The following IL1RAPL2 variants were observed in gnomAD, a reference collection of about 807,000 sequenced individuals.
The protein encoded by IL1RAPL2 is X-linked interleukin-1 receptor accessory protein-like 2.
A neutral mutation model predicts 44.1 loss-of-function variants in IL1RAPL2; 3 were observed. That is an observed-to-expected ratio of 0.07 (90% CI 0.03 to 0.18). The LOEUF is 0.18. Among genes scored for constraint, IL1RAPL2 ranks in the 10% least tolerant of loss-of-function variants. The pLI, the probability that IL1RAPL2 is intolerant of heterozygous loss-of-function variation, is 1.00. For missense variants in IL1RAPL2, 391 were observed against 496.4 expected, an observed-to-expected ratio of 0.79 and a Z score of 2.02; for synonymous variants, 181 against 178.8, an observed-to-expected ratio of 1.01 and a Z score of -0.10.
chrX:105,663,676 A>G (rs1358116786), intron 6 of IL1RAPL2, among the ~76,000 whole-genome samples: 1 of 111,817 alleles, frequency 8.9e-6, no homozygotes, highest in Non-Finnish European at 1.9e-5. Context: ...AGCTTTGGAT[A>G]ATACCATGAG....
At chrX:105,490,961 C>T (rs2036312897) in intron 6 of IL1RAPL2, among the ~76,000 whole-genome samples, 1 of 111,947 alleles carries the variant, frequency 8.9e-6, no homozygotes, top group Non-Finnish European at 1.9e-5. Flanking sequence ...GTAGCTTCAA[C>T]CCAATTACTA....
intron 5 of IL1RAPL2, among the ~76,000 whole-genome samples, chrX:105,430,618 T>C (rs1277448313): frequency 9.0e-6 from 1 of 111,554 alleles, no homozygotes; most frequent in Non-Finnish European, 1.9e-5. Context: ...TGTTATACCC[T>C]GAGATCATTC....
At chrX:104,994,137 C>A (rs2030709908) in intron 2 of IL1RAPL2, among the ~76,000 whole-genome samples, 1 of 111,695 alleles carries the variant, frequency 9.0e-6, no homozygotes, top group Non-Finnish European at 1.9e-5. Context: ...TGGAAACAAT[C>A]CAGATTTCTA....
chrX:104,657,136 C>T (rs1157466449), intron 1 of IL1RAPL2, among the ~76,000 whole-genome samples: 1 of 111,159 alleles, frequency 9.0e-6, no homozygotes, highest in Non-Finnish European at 1.9e-5. Flanking sequence ...ATCCAATTTG[C>T]CAGTTGGTGT....
intron 3 of IL1RAPL2, among the ~76,000 whole-genome samples, chrX:105,208,644 A>G (rs1329304561): frequency 9.0e-6 from 1 of 111,492 alleles, no homozygotes; most frequent in South Asian, 3.8e-4. Flanking sequence ...ACCCAAGCCA[A>G]TACAAATCTA....
rs372613105 is a variant in IL1RAPL2, at chrX:104,669,712, C to T, written c.82+10717C>T. ...TAATGTACAGCCAGGGATGAGAACCCCTGACCTATTGAGGTTTCTAGCAAT... is the reference window on the plus strand; with the variant it reads ...TAATGTACAGCCAGGGATGAGAACCTCTGACCTATTGAGGTTTCTAGCAAT... On this transcript the variant is annotated intron_variant, in intron 2 of 10. Coordinates refer to ENST00000372582, the MANE Select transcript of IL1RAPL2 (RefSeq NM_017416.2). Among the ~76,000 whole-genome samples, 27 of 111,623 alleles carry T rather than the reference C, an allele frequency of 2.4e-4. No individual in the cohort carries two copies. The East Asian group carries it at 6.2e-3, about 26-fold the overall frequency.
At chrX:105,411,312 T>C (rs2035694223) in intron 5 of IL1RAPL2, among the ~76,000 whole-genome samples, 1 of 111,491 alleles carries the variant, frequency 9.0e-6, no homozygotes, top group Non-Finnish European at 1.9e-5. Context: ...TTCGTACCTA[T>C]CAATAATAAC....
Position 105,328,193 on chromosome X carries a change from A to G in IL1RAPL2, c.697+60652A>G, listed in dbSNP as rs372261187. ...AGATAGTATATCTGATCCCTTTGTC[A>G]AATTCTTTTCTGAACCTAGGAGGAA... On this transcript the variant is annotated intron_variant, in intron 5 of 10. Transcript: ENST00000372582. Among the ~76,000 whole-genome samples, 5 of 112,202 alleles carry G rather than the reference A, an allele frequency of 4.5e-5. No homozygotes were observed. The South Asian group carries it at 1.1e-3, about 25-fold the overall frequency.
chrX:104,698,851 C>G (rs184741615), intron 2 of IL1RAPL2, among the ~76,000 whole-genome samples: 14 of 111,695 alleles, frequency 1.3e-4, no homozygotes, highest in African/African-American at 3.3e-4. Flanking sequence ...AAAACCAGCT[C>G]TCAGGAAGAG....
intron 6 of IL1RAPL2, among the ~76,000 whole-genome samples, chrX:105,711,056 G>A (rs969576857): frequency 1.3e-4 from 14 of 108,429 alleles, no homozygotes; most frequent in African/African-American, 4.7e-4. Context: ...CAAAATGAGA[G>A]AATATATGTT....
intron 1 of IL1RAPL2, among the ~76,000 whole-genome samples, chrX:104,604,879 A>C (rs947955973): frequency 3.6e-5 from 4 of 111,057 alleles, no homozygotes; most frequent in African/African-American, 9.8e-5. Flanking sequence ...GGAGTCTTTA[A>C]CACCCCACTG....
chrX:105,314,616 T>C (rs1186438399), intron 5 of IL1RAPL2, among the ~76,000 whole-genome samples: 1 of 111,829 alleles, frequency 8.9e-6, no homozygotes, highest in African/African-American at 3.3e-5. Context: ...AGTCATTTTA[T>C]GAAAATACAT....
intron 2 of IL1RAPL2, among the ~76,000 whole-genome samples, chrX:104,878,036 T>C (rs1922956660): frequency 8.9e-6 from 1 of 112,096 alleles, no homozygotes; most frequent in African/African-American, 3.2e-5. Context: ...GATATCTCTC[T>C]GCCAAGTGGC....
chrX:105,714,050 C>T (rs1274647051), intron 6 of IL1RAPL2, among the ~76,000 whole-genome samples: 1 of 111,463 alleles, frequency 9.0e-6, no homozygotes, highest in Non-Finnish European at 1.9e-5. Flanking sequence ...CTTTTAAGCT[C>T]TGCATTCCAT....
chrX:104,602,861 G>A (rs757243820), intron 1 of IL1RAPL2, among the ~76,000 whole-genome samples: 1 of 111,550 alleles, frequency 9.0e-6, no homozygotes, highest in African/African-American at 3.3e-5. Flanking sequence ...CATCTCCCTG[G>A]GACAGAGCAC....
At chrX:105,408,157 G>T (rs1444096307) in intron 5 of IL1RAPL2, among the ~76,000 whole-genome samples, 1 of 112,183 alleles carries the variant, frequency 8.9e-6, no homozygotes, top group Non-Finnish European at 1.9e-5. Flanking sequence ...CCAAAAAACA[G>T]ATGTAAAGTA....
chrX:104,966,059 A>C (rs1206047308), intron 2 of IL1RAPL2, among the ~76,000 whole-genome samples: 1 of 111,492 alleles, frequency 9.0e-6, no homozygotes, highest in Non-Finnish European at 1.9e-5. Flanking sequence ...TGCATAATGT[A>C]TATAATGCAG....
intron 5 of IL1RAPL2, among the ~76,000 whole-genome samples, chrX:105,293,628 A>G (rs976826008): frequency 3.6e-5 from 4 of 112,213 alleles, no homozygotes; most frequent in Non-Finnish European, 7.5e-5. Context: ...GGTGTTAAGC[A>G]TGTTTTCATA....
intron 6 of IL1RAPL2, among the ~76,000 whole-genome samples, chrX:105,569,391 T>C (rs2036998236): frequency 9.0e-6 from 1 of 111,653 alleles, no homozygotes; most frequent in African/African-American, 3.3e-5. Flanking sequence ...TCACAACTAT[T>C]TCAGTTTCCC....
Sources: allele counts gnomAD v4.1 joint callset (sites outside exome capture counted in the v4.1 genomes callset), GRCh38; gene constraint gnomAD v4.1.1; transcripts MANE v1.5; gene names NCBI Gene and HGNC (gene_info 2026-07-23, HGNC 2026-07-21).